Variants in TENM4 observed in about 807,000 individuals in gnomAD.
TENM4 encodes the protein teneurin transmembrane protein 4.
TENM4 carries 82 observed loss-of-function variants against 243.3 expected under a neutral mutation model. The observed-to-expected ratio is 0.34, with a 90% CI of 0.28 to 0.40. The LOEUF (loss-of-function observed/expected upper bound fraction) is 0.40. TENM4 is among the 10% of genes least tolerant of loss of function. The pLI is 1.00. For missense variants in TENM4, 3,138 were observed against 3,673.3 expected, an observed-to-expected ratio of 0.85 and a Z score of 3.77; for synonymous variants, 1,412 against 1,456.3, an observed-to-expected ratio of 0.97 and a Z score of 0.69.
At chr11:79,288,201 A>G (rs536825674) in intron 2 of TENM4, among the ~76,000 whole-genome samples, 1 of 152,360 alleles carries the variant, frequency 6.6e-6, no homozygotes, top group East Asian at 1.9e-4. Flanking sequence ...ATCAAAAGCC[A>G]TAACCAGCCC....
intron 32 of TENM4, among the ~76,000 whole-genome samples, chr11:78,665,879 A>C (rs1023908939): frequency 1.3e-5 from 2 of 152,080 alleles, no homozygotes; most frequent in African/African-American, 4.8e-5. Flanking sequence ...TATTAGTGTA[A>C]TTATAGGGAA....
chr11:79,270,036 T>G (rs575976352), intron 2 of TENM4, among the ~76,000 whole-genome samples: 1 of 152,098 alleles, frequency 6.6e-6, no homozygotes, highest in Non-Finnish European at 1.5e-5. Context: ...CAGGCCTGCA[T>G]GCAGCCCCAC....
intron 3 of TENM4, among the ~76,000 whole-genome samples, chr11:79,205,087 C>T (rs1220408252): frequency 2.0e-5 from 3 of 152,072 alleles, no homozygotes; most frequent in South Asian, 2.1e-4. Flanking sequence ...GGGGGCACAC[C>T]GTTATCTTCA....
chr11:78,909,832 G>C (rs1856145592), intron 6 of TENM4, among the ~76,000 whole-genome samples: 1 of 152,234 alleles, frequency 6.6e-6, no homozygotes, highest in Non-Finnish European at 1.5e-5. Context: ...GTGAGGTAGA[G>C]ACACTGGGGC....
At chr11:79,041,756 G>A (rs1422855307) in intron 6 of TENM4, among the ~76,000 whole-genome samples, 1 of 152,218 alleles carries the variant, frequency 6.6e-6, no homozygotes, top group Non-Finnish European at 1.5e-5. Flanking sequence ...ATTTATTAAA[G>A]CCTTTTGGAA....
chr11:78,979,495 C>T (rs1591179829), intron 6 of TENM4, among the ~76,000 whole-genome samples: 1 of 152,240 alleles, frequency 6.6e-6, no homozygotes, highest in East Asian at 1.9e-4. Flanking sequence ...CAGGAGTTGG[C>T]CAGGTTAAGA....
Position 78,708,707 on chromosome 11 carries a change from A to C in TENM4, c.4055-192T>G, listed in dbSNP as rs948933174. On this transcript the variant is annotated intron_variant, in intron 26 of 33. Transcript: ENST00000278550. ...CTTGAGTGACTTGTTCAAAGCAGGG[A>C]TTAGAACTTTTTCAGATCTTCCAGG... 2.0e-5 allele frequency among the ~76,000 whole-genome samples: 3 copies of C among 152,088 alleles called. No homozygotes were observed. In the East Asian group the frequency reaches 5.8e-4, roughly 29 times the overall value.
intron 2 of TENM4, among the ~76,000 whole-genome samples, chr11:79,263,028 A>G (rs1028538866): frequency 6.6e-6 from 1 of 152,170 alleles, no homozygotes; most frequent in Non-Finnish European, 1.5e-5. Context: ...TTCTTTTCCA[A>G]TGGGCTCAGT....
chr11:79,439,779 C>T (rs1454459277), intron 1 of TENM4, among the ~76,000 whole-genome samples: 1 of 152,194 alleles, frequency 6.6e-6, no homozygotes, highest in Non-Finnish European at 1.5e-5. Flanking sequence ...GCTCGGTGAT[C>T]ACATTTCAAC....
At chr11:78,869,192 T>C (rs1859062123) in intron 9 of TENM4, among the ~76,000 whole-genome samples, 1 of 152,164 alleles carries the variant, frequency 6.6e-6, no homozygotes, top group African/African-American at 2.4e-5. Context: ...AGCTAACTTA[T>C]GGTACAGGTA....
At chr11:78,677,320 T>A (rs1012668214) in intron 29 of TENM4, among the ~76,000 whole-genome samples, 23 of 150,616 alleles carry the variant, frequency 1.5e-4, no homozygotes, top group Non-Finnish European at 3.0e-4. Flanking sequence ...TACAATGTGA[T>A]CATAGCTCAC....
intron 1 of TENM4, among the ~76,000 whole-genome samples, chr11:79,319,635 T>C (rs1856856127): frequency 6.6e-6 from 1 of 152,084 alleles, no homozygotes; most frequent in Admixed American, 6.6e-5. Context: ...TGAGTATCGA[T>C]GCTAACAGAT....
intron 3 of TENM4, among the ~76,000 whole-genome samples, chr11:79,202,214 C>T (rs1209387879): frequency 6.6e-6 from 1 of 152,192 alleles, no homozygotes; most frequent in African/African-American, 2.4e-5. Context: ...GCCACTCTGA[C>T]TGCCAGGTCT....
Position 78,669,124 on chromosome 11 carries a change from A to G in TENM4, c.7221T>C (p.Tyr2407=), listed in dbSNP as rs1477324888. The change falls in exon 32 of 34, where the codon TAT becomes TAC. Residue 2407 remains tyrosine (Y), a synonymous_variant. Coordinates refer to ENST00000278550, the MANE Select transcript of TENM4 (RefSeq NM_001098816.3). The surrounding 1 kb of genome is among the most constrained non-coding windows in gnomAD (Gnocchi z 6.4). ...TGTGGACAAGCTTGGTGAGTGGATC[A>G]TAGAGGCCACCATGGTAGCCTATGA... ...QIIIGYHGGL[Y]DPLTKLVHMG... The G allele has an allele frequency of 1.9e-6, 3 of 1,613,808 alleles. No individual in the cohort carries two copies. In the Admixed American group the frequency reaches 5.0e-5, roughly 27 times the overall value.
At chr11:79,388,534 C>T (rs1284166978) in intron 1 of TENM4, among the ~76,000 whole-genome samples, 1 of 152,188 alleles carries the variant, frequency 6.6e-6, no homozygotes, top group Non-Finnish European at 1.5e-5. Flanking sequence ...TACCTTCATT[C>T]CCACCCCCAC....
rs148797144 is a variant in TENM4, at chr11:79,039,971, A to G, written c.493+24767T>C. Among the ~76,000 whole-genome samples, 30 of 151,856 alleles carry G rather than the reference A, an allele frequency of 2.0e-4. No homozygotes were observed. The East Asian group carries it at 5.8e-3, about 29-fold the overall frequency. On this transcript the variant is annotated intron_variant, in intron 6 of 33. Coordinates refer to ENST00000278550, the MANE Select transcript of TENM4 (RefSeq NM_001098816.3). ...CATATTAGCAAATGAAAATTCACCT[A>G]TTCACTGAATCTTTTGGGGACCACT...
At chr11:79,121,189 ATAGG>A (rs1861738639) in intron 4 of TENM4, among the ~76,000 whole-genome samples, 3 of 14,722 alleles carry the variant, frequency 2.0e-4, no homozygotes, top group African/African-American at 2.7e-4. Context: ...TCTTGTTTAC[ATAGG>A]CTTTCTTGTT....
chr11:78,714,900 G>A (rs1164778961), intron 25 of TENM4, among the ~76,000 whole-genome samples: 1 of 152,200 alleles, frequency 6.6e-6, no homozygotes, highest in African/African-American at 2.4e-5. Flanking sequence ...CTGGACGATA[G>A]GACATAATGC....
chr11:79,434,118 A>T (rs1467605684), intron 1 of TENM4, among the ~76,000 whole-genome samples: 1 of 152,206 alleles, frequency 6.6e-6, no homozygotes, highest in Non-Finnish European at 1.5e-5. Flanking sequence ...CCCACACTTG[A>T]GAAGGGGTAA....
Sources: gnomAD v4.1 joint callset for allele counts (sites outside exome capture counted in the v4.1 genomes callset) on GRCh38, gnomAD v4.1.1 for gene constraint, Gnocchi (gnomAD v3.1) non-coding constraint, MANE v1.5 for transcripts, NCBI Gene and HGNC (gene_info 2026-07-23, HGNC 2026-07-21) for gene names.